Variants in CEP126 observed in about 807,000 individuals in gnomAD.
CEP126 encodes the protein centrosomal protein 126, also known as centrosomal protein of 126 kDa.
CEP126 carries 74 observed loss-of-function variants against 107.8 expected under a neutral mutation model. The observed-to-expected ratio is 0.69, with a 90% confidence interval of 0.57 to 0.83. CEP126 has a LOEUF of 0.83. CEP126 is among the 40% of genes least tolerant of loss of function. The probability of loss-of-function intolerance (pLI) is 0.00; values close to 1 mark genes in which losing one functional copy is unlikely to be tolerated. For missense variants in CEP126, 1,237 were observed against 1,281.9 expected, an observed-to-expected ratio of 0.96 and a Z score of 0.53; for synonymous variants, 449 against 446.0, an observed-to-expected ratio of 1.01 and a Z score of -0.08.
chr11:101,957,830 C>G (rs1411568041), intron 4 of CEP126, among the ~76,000 whole-genome samples: 1 of 152,094 alleles, frequency 6.6e-6, no homozygotes, highest in East Asian at 1.9e-4. Flanking sequence ...TATAGGAATG[C>G]TCTTAAAGAC....
In CEP126 at chr11:101,961,924, G is replaced by T. The variant is rs1202879185; in HGVS notation, c.889G>T (p.Asp297Tyr). 1 of 1,612,368 alleles carries T rather than the reference G, an allele frequency of 6.2e-7. No individual in the cohort carries two copies. Among genetic ancestry groups the T allele is most frequent in the Non-Finnish European group, 8.5e-7 (1 of 1,179,326 alleles). The part of the protein sequence containing the change: ...NMQSTNLSCF[D>Y]EDKLAFSKTQ... ...GCAATCAACTAATCTCAGCTGCTTT[G>T]ATGAAGATAAACTGGCATTCTCTAA... is the stretch of plus-strand genomic sequence containing the variant. The change falls in exon 6 of 11, where the codon GAT (aspartate) becomes TAT (tyrosine). Residue 297 changes from aspartate to tyrosine, a missense_variant. Around this residue, in one of 3 missense-constraint regions of CEP126, gnomAD observed 1,134 missense variants for 1,150.5 expected, o/e 0.99. Transcript: ENST00000263468.
At chr11:101,943,581 C>G (rs1940696401) in intron 2 of CEP126, among the ~76,000 whole-genome samples, 1 of 150,524 alleles carries the variant, frequency 6.6e-6, no homozygotes, top group Non-Finnish European at 1.5e-5. Flanking sequence ...AGGACAAAAT[C>G]AATTTTTGAG....
At chr11:101,956,762 A>G (rs1489444639) in intron 4 of CEP126, 1 of 452,792 alleles carries the variant, frequency 2.2e-6, no homozygotes, top group South Asian at 1.6e-5. Context: ...TTCCTTTATG[A>G]TTTCCTCTTC....
intron 2 of CEP126, among the ~76,000 whole-genome samples, chr11:101,941,806 T>C (rs917650009): frequency 3.9e-5 from 6 of 152,116 alleles, no homozygotes; most frequent in African/African-American, 1.4e-4. Context: ...ACAGTTCCTA[T>C]TTTTTATTTA....
At chr11:101,927,113 C>T (rs1321153631) in intron 2 of CEP126, among the ~76,000 whole-genome samples, 1 of 152,140 alleles carries the variant, frequency 6.6e-6, no homozygotes, top group Non-Finnish European at 1.5e-5. Flanking sequence ...ACCAGCCTGG[C>T]CAACCTGGTG....
intron 6 of CEP126, among the ~76,000 whole-genome samples, chr11:101,964,504 G>A (rs941192459): frequency 5.9e-5 from 9 of 151,988 alleles, no homozygotes; most frequent in South Asian, 2.1e-4. Context: ...ATGGTGGCGC[G>A]TGCCTGTAAT....
intron 9 of CEP126, 56 bp downstream of exon 9, chr11:101,987,097 T>A (rs1941325733): frequency 3.3e-6 from 4 of 1,219,240 alleles, no homozygotes; most frequent in Non-Finnish European, 3.5e-6. Context: ...TTAGACAATT[T>A]TAATTTAAAC....
At chr11:101,918,189 T>G (rs544250047) in intron 1 of CEP126, among the ~76,000 whole-genome samples, 2 of 152,304 alleles carry the variant, frequency 1.3e-5, no homozygotes, top group East Asian at 1.9e-4. Context: ...GGCTCACATC[T>G]GTAATCCTAG....
chr11:101,927,408 C>T (rs1940428834), intron 2 of CEP126, among the ~76,000 whole-genome samples: 1 of 152,068 alleles, frequency 6.6e-6, no homozygotes, highest in African/African-American at 2.4e-5. Context: ...TTCCATATAC[C>T]TTTTACCCAG....
Position 101,938,277 on chromosome 11 carries a change from T to G in CEP126, c.249-5988T>G, listed in dbSNP as rs138656385. Among the ~76,000 whole-genome samples the G allele has an allele frequency of 2.6e-4, 39 of 151,756 alleles. No homozygotes were observed. The East Asian group carries it at 4.6e-3, about 18-fold the overall frequency. ...TTTTTAAGGCCTGAGGTATTTGTAG[T>G]GATACCCTGTCTTGCATTCATGATA... On this transcript the variant is annotated intron_variant, in intron 2 of 10. Transcript: ENST00000263468.
chr11:101,963,407 C>T lies in CEP126; in HGVS notation c.2372C>T (p.Thr791Ile). 2 of 1,614,122 alleles carry T rather than the reference C, an allele frequency of 1.2e-6. No individual in the cohort carries two copies. The highest frequency in any genetic ancestry group is 1.7e-6 in the Non-Finnish European group (2 of 1,179,996). The part of the protein sequence containing the change: ...PQSASKVNIF[T>I]QAQGKLIIPC... ...TCTGCAAGCAAAGTCAACATATTTACACAAGCTCAGGGAAAATTAATTATA... is the reference window on the plus strand; with the variant it reads ...TCTGCAAGCAAAGTCAACATATTTATACAAGCTCAGGGAAAATTAATTATA... The change falls in exon 6 of 11, where the codon ACA (threonine) becomes ATA (isoleucine). Residue 791 changes from threonine to isoleucine, a missense_variant. Thr to Ile is a moderately conservative substitution (Grantham distance 89). Around this residue, in one of 3 missense-constraint regions of CEP126, gnomAD observed 1,134 missense variants for 1,150.5 expected, o/e 0.99. Coordinates refer to ENST00000263468, the MANE Select transcript of CEP126 (RefSeq NM_020802.4).
intron 10 of CEP126, among the ~76,000 whole-genome samples, chr11:101,996,421 A>G (rs1300336463): frequency 6.6e-6 from 1 of 152,166 alleles, no homozygotes; most frequent in African/African-American, 2.4e-5. Context: ...CCCTTGCCCC[A>G]TATACTCTGA....
chr11:101,976,809 G>A (rs1477303790), intron 6 of CEP126, among the ~76,000 whole-genome samples: 3 of 152,128 alleles, frequency 2.0e-5, no homozygotes, highest in African/African-American at 7.2e-5. Context: ...GACAAACTTT[G>A]TGAAACTTTT....
chr11:101,919,250 T>C (rs970765791), intron 1 of CEP126, among the ~76,000 whole-genome samples: 10 of 152,134 alleles, frequency 6.6e-5, no homozygotes, highest in Non-Finnish European at 1.3e-4. Flanking sequence ...AGAGGAAAAA[T>C]CGAATCAACA....
intron 1 of CEP126, among the ~76,000 whole-genome samples, chr11:101,919,540 T>TA (rs1187033890): frequency 1.3e-5 from 2 of 152,038 alleles, no homozygotes; most frequent in Non-Finnish European, 2.9e-5. Context: ...ACAGCTTGTA[T>TA]AAAAAAACAA....
chr11:101,962,441 T>G lies in CEP126; in HGVS notation c.1406T>G (p.Ile469Arg), dbSNP rs1468682621. 1.2e-6 allele frequency: 2 copies of G among 1,613,670 alleles called. No individual in the cohort carries two copies. Among genetic ancestry groups the G allele is most frequent in the Non-Finnish European group, 1.7e-6 (2 of 1,179,830 alleles). ...ACGCCTTTAGTTTTGCCATCTAATA[T>G]ACAGTCAGCTAGACCTTCAGCAAAG... is the stretch of plus-strand genomic sequence containing the variant. The part of the protein sequence containing the change: ...VATPLVLPSN[I>R]QSARPSAKNS... Residue 469 changes from isoleucine (I) to arginine (R), a missense_variant, in exon 6 of 11, where the codon ATA becomes AGA. Physicochemically the swap from Ile to Arg is moderately conservative, Grantham distance 97 (BLOSUM62 -3). This residue lies in a region of CEP126 where 1,134 missense variants were observed against 1,150.5 expected (regional missense o/e 0.99). Coordinates refer to ENST00000263468, the MANE Select transcript of CEP126 (RefSeq NM_020802.4).
intron 9 of CEP126, among the ~76,000 whole-genome samples, chr11:101,990,738 A>G (rs12099244): frequency 0.093 from 14,174 of 151,834 alleles, 978 homozygotes; most frequent in East Asian, 0.27. Context: ...CAAGAGCATA[A>G]AGAGAGATCC....
chr11:101,915,096 T>A lies in CEP126; in HGVS notation c.-189T>A. ...CCGGCGAGGTCGCCGCTGCCTCAGC[T>A]GCCATCGCCGCTACAGGCACCAGTG... On this transcript the variant is annotated 5_prime_UTR_variant, in exon 1 of 11. Transcript: ENST00000263468. 1.3e-6 allele frequency: 1 copy of A among 785,522 alleles called. No individual in the cohort carries two copies. The highest frequency in any genetic ancestry group is 1.9e-6 in the Non-Finnish European group (1 of 528,188). 48.7% of individuals were successfully genotyped at this position (785,522 alleles called of 1,614,324 possible). A position where few individuals can be genotyped will look rare whatever the true frequency, so the allele number is the denominator to read the frequency against.
intron 6 of CEP126, among the ~76,000 whole-genome samples, chr11:101,976,075 A>C (rs1309260526): frequency 6.6e-6 from 1 of 152,164 alleles, no homozygotes; most frequent in Non-Finnish European, 1.5e-5. Context: ...AAAACAATTT[A>C]CATTTCTTCA....
Sources: gnomAD v4.1 joint callset for allele counts (sites outside exome capture counted in the v4.1 genomes callset) on GRCh38, gnomAD v4.1.1 for gene constraint, gnomAD v4.1.1 regional missense constraint, MANE v1.5 for transcripts, NCBI Gene and HGNC (gene_info 2026-07-23, HGNC 2026-07-21) for gene names.